The following TFDP2 variants were observed in gnomAD, a reference collection of about 807,000 sequenced individuals.
The protein encoded by TFDP2 is transcription factor Dp-2, also known as transcription factor Dp-2 (E2F dimerization partner 2).
A neutral mutation model predicts 59.3 loss-of-function variants in TFDP2; 17 were observed. The ratio of observed to expected loss-of-function variants is 0.29; its 90% CI spans 0.20 to 0.43. TFDP2 has a LOEUF of 0.43. TFDP2 is among the 20% of genes least tolerant of loss of function. The probability of loss-of-function intolerance (pLI) is 1.00; values close to 1 mark genes in which losing one functional copy is unlikely to be tolerated. For synonymous variants in TFDP2, 180 were observed against 194.7 expected (o/e 0.92, Z 0.63); for missense variants, 391 against 528.8 (o/e 0.74, Z 2.56).
intron 3 of TFDP2, among the ~76,000 whole-genome samples, chr3:142,078,892 GA>G (rs1352452489): frequency 4.6e-5 from 7 of 152,076 alleles, no homozygotes. Context: ...GTAACTCAAA[GA>G]AATTCAAGAT....
intron 3 of TFDP2, among the ~76,000 whole-genome samples, chr3:142,052,674 C>T (rs1298128803): frequency 6.6e-6 from 1 of 152,036 alleles, no homozygotes; most frequent in Non-Finnish European, 1.5e-5. Flanking sequence ...AAGGGATTCT[C>T]CCACTTCCGC....
Position 141,970,065 on chromosome 3 carries a change from A to T in TFDP2, c.732+8T>A. On this transcript the variant is annotated splice_region_variant and intron_variant, in intron 9 of 12. Transcript: ENST00000489671. ...GGGAAGGTAATGAAAACATCTCGGTATCTTTACCTGTAGGAGAAGTTCTTG... is the reference window on the plus strand; with the variant it reads ...GGGAAGGTAATGAAAACATCTCGGTTTCTTTACCTGTAGGAGAAGTTCTTG... 2 of 1,613,084 alleles carry T rather than the reference A, an allele frequency of 1.2e-6. No individual in the cohort carries two copies. Among genetic ancestry groups the T allele is most frequent in the Non-Finnish European group, 1.7e-6 (2 of 1,178,992 alleles).
intron 3 of TFDP2, among the ~76,000 whole-genome samples, chr3:142,056,310 TAAA>T (rs11338630): frequency 4.1e-4 from 57 of 137,794 alleles, no homozygotes; most frequent in Admixed American, 3.7e-4. Context: ...AACAGTGAAT[TAAA>T]AAAAAAAAAA....
Position 142,077,920 on chromosome 3 carries a change from G to C in TFDP2, c.82+15141C>G, listed in dbSNP as rs142020066. On this transcript the variant is annotated intron_variant, in intron 3 of 12. Transcript: ENST00000489671. ...GCCTGGGCTCTTCAACAGCATTTCT[G>C]GACCTACTCTGGATGAGAGAGGAGC... Among the ~76,000 whole-genome samples the C allele has an allele frequency of 1.7e-3, 265 of 152,186 alleles. 3 individuals carry two copies. Among genetic ancestry groups the C allele is most frequent in the African/African-American group, 6.0e-3 (251 of 41,518 alleles).
At chr3:142,043,664 T>A (rs762766906) in intron 3 of TFDP2, 25 of 992,810 alleles carry the variant, frequency 2.5e-5, no homozygotes, top group Non-Finnish European at 3.9e-5. Context: ...GTCTTGATGA[T>A]CTCCTCCTTC....
intron 6 of TFDP2, among the ~76,000 whole-genome samples, chr3:141,979,982 C>T (rs1457980387): frequency 1.3e-5 from 2 of 151,308 alleles, no homozygotes; most frequent in Admixed American, 6.6e-5. Flanking sequence ...CGTCATGGCT[C>T]ACTGCAGCCT....
intron 3 of TFDP2, among the ~76,000 whole-genome samples, chr3:142,045,088 A>G (rs990024666): frequency 6.6e-6 from 1 of 152,052 alleles, no homozygotes; most frequent in Non-Finnish European, 1.5e-5. Context: ...CAACTTTTTC[A>G]AAGTATAATT....
intron 3 of TFDP2, among the ~76,000 whole-genome samples, chr3:142,043,308 A>T (rs1288286865): frequency 1.3e-5 from 2 of 151,396 alleles, no homozygotes; most frequent in Non-Finnish European, 2.9e-5. Flanking sequence ...CGGCCTCCCA[A>T]AGTGCTGGGA....
At chr3:142,046,187 C>T (rs570676145) in intron 3 of TFDP2, among the ~76,000 whole-genome samples, 5 of 152,258 alleles carry the variant, frequency 3.3e-5, no homozygotes, top group Admixed American at 6.5e-5. Flanking sequence ...TCCATGTGCA[C>T]GTGATTGGCA....
intron 8 of TFDP2, among the ~76,000 whole-genome samples, 165 bp from the exon 9 acceptor site, chr3:141,970,306 A>T (rs1469569477): frequency 6.6e-6 from 1 of 152,220 alleles, no homozygotes; most frequent in Non-Finnish European, 1.5e-5. Context: ...CAGGGGCTGG[A>T]GTGAACAAGT....
At chr3:142,081,514 C>G (rs2060638299) in intron 3 of TFDP2, among the ~76,000 whole-genome samples, 1 of 151,902 alleles carries the variant, frequency 6.6e-6, no homozygotes, top group Non-Finnish European at 1.5e-5. Context: ...AATTGAAACA[C>G]AGGAAACAAT....
In TFDP2 at chr3:141,947,571, C is replaced by A. The variant is rs1332805108; in HGVS notation, c.*4942G>T. On this transcript the variant is annotated 3_prime_UTR_variant, in exon 13 of 13. Transcript: ENST00000489671. ...CTGGGACTACAGGCATGTGCCACCA[C>A]GCCCGGCTAATTTTTGTATTTTCTA... The A allele has an allele frequency of 6.6e-6, 1 of 152,108 alleles. No homozygotes were observed. Among genetic ancestry groups the A allele is most frequent in the African/African-American group, 2.4e-5 (1 of 41,414 alleles). 9.4% of individuals were successfully genotyped at this position (152,108 alleles called of 1,614,324 possible).
intron 10 of TFDP2, among the ~76,000 whole-genome samples, chr3:141,962,204 A>G (rs1235948017): frequency 2.0e-5 from 3 of 148,938 alleles, no homozygotes; most frequent in Admixed American, 6.7e-5. Flanking sequence ...TTGGCCTCCC[A>G]AAGTGCTGGG....
chr3:142,105,564 T>C (rs1421022048), intron 1 of TFDP2, among the ~76,000 whole-genome samples: 1 of 152,212 alleles, frequency 6.6e-6, no homozygotes, highest in Non-Finnish European at 1.5e-5. Context: ...AATGATGTTA[T>C]ATTTCCTAAG....
At chr3:142,058,271 A>G (rs4683663) in intron 3 of TFDP2, among the ~76,000 whole-genome samples, 12,837 of 152,084 alleles carry the variant, frequency 0.084, 685 homozygotes, top group Middle Eastern at 0.14. Flanking sequence ...TTAAGTACCT[A>G]ATAATGAACT....
chr3:142,114,846 T>C (rs913090952), intron 1 of TFDP2, among the ~76,000 whole-genome samples: 7 of 152,160 alleles, frequency 4.6e-5, no homozygotes, highest in Non-Finnish European at 1.0e-4. Flanking sequence ...GGTACATGTA[T>C]ATGCATAGAT....
chr3:142,127,591 C>T (rs2062321459), intron 1 of TFDP2, among the ~76,000 whole-genome samples: 1 of 152,024 alleles, frequency 6.6e-6, no homozygotes, highest in Admixed American at 6.6e-5. Context: ...CCACCTCGGC[C>T]TCCCAAAGTG....
At chr3:142,079,800 T>A (rs2060574976) in intron 3 of TFDP2, among the ~76,000 whole-genome samples, 1 of 152,106 alleles carries the variant, frequency 6.6e-6, no homozygotes, top group African/African-American at 2.4e-5. Context: ...AGCAAAAATA[T>A]CCTTCAAACA....
chr3:142,065,066 G>A (rs2060029937), intron 3 of TFDP2, among the ~76,000 whole-genome samples: 1 of 152,028 alleles, frequency 6.6e-6, no homozygotes, highest in Admixed American at 6.6e-5. Flanking sequence ...AGATGGTAAA[G>A]GTTTTTCAGG....
Sources: allele counts gnomAD v4.1 joint callset (sites outside exome capture counted in the v4.1 genomes callset), GRCh38; gene constraint gnomAD v4.1.1; transcripts MANE v1.5; gene names NCBI Gene and HGNC (gene_info 2026-07-23, HGNC 2026-07-21).